Variants in HTR2C observed in about 807,000 individuals in gnomAD.
HTR2C encodes the protein 5-hydroxytryptamine (serotonin) receptor 2C, G protein-coupled.
In HTR2C, 5 loss-of-function variants were observed where a neutral mutation model predicts 21.0. That is an observed-to-expected ratio of 0.24 (90% CI 0.12 to 0.50). The LOEUF (loss-of-function observed/expected upper bound fraction) is 0.50. Ranked by LOEUF, HTR2C falls within the 20% of genes least tolerant of loss-of-function variation. The pLI, the probability that HTR2C is intolerant of heterozygous loss-of-function variation, is 0.98. For synonymous variants in HTR2C, 150 were observed against 145.3 expected, an observed-to-expected ratio of 1.03 and a Z score of -0.23; for missense variants, 271 against 371.2, an observed-to-expected ratio of 0.73 and a Z score of 2.22.
At chrX:114,833,447 G>A (rs1368952883) in intron 4 of HTR2C, among the ~76,000 whole-genome samples, 1 of 111,062 alleles carries the variant, frequency 9.0e-6, no homozygotes, top group Admixed American at 9.6e-5. Flanking sequence ...ATGTGTCGAG[G>A]AATTTATCCA....
intron 2 of HTR2C, among the ~76,000 whole-genome samples, chrX:114,686,640 G>C (rs1931923235): frequency 9.1e-6 from 1 of 109,853 alleles, no homozygotes; most frequent in Non-Finnish European, 1.9e-5. Context: ...AGAAAGGAAA[G>C]GAAATTTTAC....
intron 4 of HTR2C, among the ~76,000 whole-genome samples, chrX:114,827,051 C>T (rs2070684886): frequency 9.1e-6 from 1 of 109,897 alleles, no homozygotes; most frequent in Non-Finnish European, 1.9e-5. Context: ...TTAAAATATA[C>T]CTGTATATTA....
chrX:114,807,162 T>C (rs1422167578), intron 4 of HTR2C, among the ~76,000 whole-genome samples: 1 of 47,242 alleles, frequency 2.1e-5, no homozygotes, highest in Non-Finnish European at 3.6e-5. Context: ...ACCATATATA[T>C]ACCCCATATA....
At chrX:114,822,856 G>C (rs1247839103) in intron 4 of HTR2C, among the ~76,000 whole-genome samples, 2 of 111,825 alleles carry the variant, frequency 1.8e-5, no homozygotes, top group African/African-American at 6.5e-5. Flanking sequence ...ACATAATGCA[G>C]AATTTGCTAA....
At chrX:114,587,362 G>A (rs1229788480) in intron 1 of HTR2C, among the ~76,000 whole-genome samples, 23 of 111,484 alleles carry the variant, frequency 2.1e-4, no homozygotes, top group Non-Finnish European at 9.4e-5. Flanking sequence ...ACAAAAGGAT[G>A]ATGTACGTGT....
intron 2 of HTR2C, among the ~76,000 whole-genome samples, chrX:114,695,874 A>G (rs1932263341): frequency 8.9e-6 from 1 of 111,993 alleles, no homozygotes; most frequent in Non-Finnish European, 1.9e-5. Flanking sequence ...ATGAAATGCT[A>G]TATAAATGCA....
intron 5 of HTR2C, 111 bp downstream of exon 5, chrX:114,848,314 G>T: frequency 2.2e-6 from 1 of 460,726 alleles, no homozygotes; most frequent in Non-Finnish European, 3.5e-6. Context: ...CGTTTGATCG[G>T]GTTCTTTTAT....
At chrX:114,777,992 C>T (rs1172056397) in intron 4 of HTR2C, among the ~76,000 whole-genome samples, 1 of 112,014 alleles carries the variant, frequency 8.9e-6, no homozygotes, top group Non-Finnish European at 1.9e-5. Flanking sequence ...TGTAGAAATG[C>T]ATAATGCCTA....
At chrX:114,616,092 A>G (rs1280202172) in intron 2 of HTR2C, among the ~76,000 whole-genome samples, 1 of 111,347 alleles carries the variant, frequency 9.0e-6, no homozygotes, top group East Asian at 2.8e-4. Flanking sequence ...TATATTTATT[A>G]TAGAAGGTTG....
chrX:114,593,063 C>A (rs1556391569), intron 1 of HTR2C, among the ~76,000 whole-genome samples: 1 of 111,887 alleles, frequency 8.9e-6, no homozygotes, highest in East Asian at 2.8e-4. Flanking sequence ...ATCATACAGA[C>A]TATAAAGCCA....
intron 4 of HTR2C, among the ~76,000 whole-genome samples, chrX:114,773,429 A>G (rs1331554211): frequency 1.4e-4 from 16 of 112,423 alleles, no homozygotes; most frequent in African/African-American, 4.8e-4. Context: ...ATAGCCAAAT[A>G]CATTTTATGC....
intron 4 of HTR2C, among the ~76,000 whole-genome samples, chrX:114,806,053 T>TAC (rs1556449227): frequency 1.3e-3 from 48 of 36,903 alleles, no homozygotes; most frequent in Non-Finnish European, 2.3e-3. Flanking sequence ...ACCATATGCA[T>TAC]ACCATATATA....
At chrX:114,590,124 C>T (rs1927571121) in intron 1 of HTR2C, among the ~76,000 whole-genome samples, 1 of 111,416 alleles carries the variant, frequency 9.0e-6, no homozygotes, top group African/African-American at 3.3e-5. Flanking sequence ...AAAGTAACTG[C>T]CAGTTTTTTA....
intron 4 of HTR2C, among the ~76,000 whole-genome samples, chrX:114,823,941 A>G (rs1427391882): frequency 8.9e-6 from 1 of 112,071 alleles, no homozygotes; most frequent in Non-Finnish European, 1.9e-5. Flanking sequence ...TTAATTATAG[A>G]AAAAAACAAA....
chrX:114,783,543 G>GA (rs1322132545), intron 4 of HTR2C, among the ~76,000 whole-genome samples: 2 of 110,874 alleles, frequency 1.8e-5, no homozygotes, highest in Admixed American at 9.6e-5. Context: ...GAACAAGCTG[G>GA]AAAAAAAATC....
chrX:114,681,604 A>G (rs1266609001), intron 2 of HTR2C, among the ~76,000 whole-genome samples: 1 of 111,273 alleles, frequency 9.0e-6, no homozygotes, highest in African/African-American at 3.3e-5. Context: ...AGATGAAATA[A>G]TGTTCCTCTT....
Position 114,906,927 on chromosome X carries a change from A to T in HTR2C, c.889A>T (p.Arg297Trp). ...RRRKKKERRPRGTMQAINNER... is the reference protein window; with the variant it reads ...RRRKKKERRPWGTMQAINNER... ...AAGAAAGAAGAAGGAGAGACGTCCT[A>T]GGGGCACCATGCAGGCTATCAACAA... Residue 297 changes from arginine (R) to tryptophan (W), a missense_variant, in exon 6 of 6, where the codon AGG becomes TGG. Coordinates refer to ENST00000276198, the MANE Select transcript of HTR2C (RefSeq NM_000868.4). The T allele has an allele frequency of 3.3e-6, 4 of 1,211,159 alleles. No individual in the cohort carries two copies. The South Asian group carries it at 7.0e-5, about 21-fold the overall frequency.
At chrX:114,695,412 T>G (rs1250173934) in intron 2 of HTR2C, among the ~76,000 whole-genome samples, 1 of 111,798 alleles carries the variant, frequency 8.9e-6, no homozygotes, top group Non-Finnish European at 1.9e-5. Context: ...AAGAATGCTC[T>G]TTGGCTTTCT....
chrX:114,781,255 G>A (rs782047089), intron 4 of HTR2C, among the ~76,000 whole-genome samples: 1 of 111,233 alleles, frequency 9.0e-6, no homozygotes, highest in African/African-American at 3.3e-5. Context: ...GGAAGGCTGA[G>A]GTGGGAGGAT....
Sources: gnomAD v4.1 joint callset for allele counts (sites outside exome capture counted in the v4.1 genomes callset) on GRCh38, gnomAD v4.1.1 for gene constraint, MANE v1.5 for transcripts, NCBI Gene and HGNC (gene_info 2026-07-23, HGNC 2026-07-21) for gene names.